Variants in ADAMTS3 observed in about 807,000 individuals in gnomAD.
The protein encoded by ADAMTS3 is ADAM metallopeptidase with thrombospondin type 1 motif 3.
In ADAMTS3, 73 loss-of-function variants were observed where a neutral mutation model predicts 129.0. The ratio of observed to expected loss-of-function variants is 0.57; its 90% CI spans 0.47 to 0.69. ADAMTS3 has a LOEUF of 0.69. Among genes scored for constraint, ADAMTS3 ranks in the 30% least tolerant of loss-of-function variants. The probability of loss-of-function intolerance (pLI) is 0.00; values close to 1 mark genes in which losing one functional copy is unlikely to be tolerated. For synonymous variants in ADAMTS3, 477 were observed against 510.8 expected (o/e 0.93, Z 0.89); for missense variants, 1,457 against 1,514.5 (o/e 0.96, Z 0.63).
chr4:72,475,845 C>T (rs993745902), intron 3 of ADAMTS3, among the ~76,000 whole-genome samples: 10 of 151,746 alleles, frequency 6.6e-5, no homozygotes, highest in African/African-American at 2.4e-5. Flanking sequence ...CAGGAATGTC[C>T]CCACTTAGAA....
At chr4:72,399,396 G>A (rs750374196) in intron 4 of ADAMTS3, among the ~76,000 whole-genome samples, 12 of 152,096 alleles carry the variant, frequency 7.9e-5, no homozygotes, top group Middle Eastern at 3.4e-3. Flanking sequence ...TTATGCCACC[G>A]CACTCCAGCC....
At chr4:72,380,363 G>A (rs1721255056) in intron 4 of ADAMTS3, among the ~76,000 whole-genome samples, 1 of 152,110 alleles carries the variant, frequency 6.6e-6, no homozygotes, top group African/African-American at 2.4e-5. Flanking sequence ...AAGGATTCAA[G>A]GGTGATGATT....
chr4:72,510,007 A>G (rs1465038688), intron 3 of ADAMTS3, among the ~76,000 whole-genome samples: 1 of 152,098 alleles, frequency 6.6e-6, no homozygotes. Flanking sequence ...GATGAAGAAT[A>G]AAAACCATAT....
chr4:72,364,609 G>A (rs1325093634), intron 4 of ADAMTS3, among the ~76,000 whole-genome samples: 3 of 145,016 alleles, frequency 2.1e-5, no homozygotes, highest in Admixed American at 6.9e-5. Flanking sequence ...GCAAGACTCC[G>A]TTTAAAAAAA....
Position 72,315,181 on chromosome 4 carries a change from CA to C in ADAMTS3, c.1599+676del, listed in dbSNP as rs138731846. 4.6e-5 allele frequency among the ~76,000 whole-genome samples: 7 copies of C among 152,334 alleles called. No homozygotes were observed. In the East Asian group the frequency reaches 9.6e-4, roughly 21 times the overall value. On this transcript the variant is annotated intron_variant, in intron 11 of 21. Coordinates refer to ENST00000286657, the MANE Select transcript of ADAMTS3 (RefSeq NM_014243.3). Reference sequence around the variant, plus strand: ...CAGCAAGTCAATCAGATCCCACTACCAGGGGGCAGATAGTCTGCTGAGTTGC... The same window carrying C: ...CAGCAAGTCAATCAGATCCCACTACCGGGGGCAGATAGTCTGCTGAGTTGC...
At position 72,543,013 on chromosome 4, in the gene ADAMTS3, C is replaced by T. The variant is rs549789676; in HGVS notation, c.504+5465G>A. On this transcript the variant is annotated intron_variant, in intron 3 of 21. Coordinates refer to ENST00000286657, the MANE Select transcript of ADAMTS3 (RefSeq NM_014243.3). ...GAGAAAGCATATCATCATTAAAATA[C>T]TTTCTCAATTTCAAAATAGGATTTG... Among the ~76,000 whole-genome samples the T allele has an allele frequency of 8.5e-5, 13 of 152,262 alleles. No homozygotes were observed. In the South Asian group the frequency reaches 2.5e-3, roughly 29 times the overall value.
chr4:72,476,849 C>T (rs1401702514), intron 3 of ADAMTS3, among the ~76,000 whole-genome samples: 1 of 152,026 alleles, frequency 6.6e-6, no homozygotes, highest in Non-Finnish European at 1.5e-5. Context: ...GGAAGCAAGG[C>T]TAGTTCAACT....
chr4:72,448,081 C>T (rs1278056221), intron 3 of ADAMTS3, among the ~76,000 whole-genome samples: 2 of 151,644 alleles, frequency 1.3e-5, no homozygotes, highest in African/African-American at 4.8e-5. Flanking sequence ...TCCTTCCAAA[C>T]GAAGCTAACT....
chr4:72,488,480 A>C (rs1719648020), intron 3 of ADAMTS3, among the ~76,000 whole-genome samples: 1 of 151,874 alleles, frequency 6.6e-6, no homozygotes, highest in Non-Finnish European at 1.5e-5. Flanking sequence ...CAGTTTTTGA[A>C]ATGTTTTGGT....
intron 3 of ADAMTS3, among the ~76,000 whole-genome samples, chr4:72,534,440 T>C (rs1336831736): frequency 2.0e-5 from 3 of 152,086 alleles, no homozygotes; most frequent in African/African-American, 7.2e-5. Context: ...GTGGAAGCAA[T>C]AATGAAGATC....
At chr4:72,531,269 G>GTT (rs1258872336) in intron 3 of ADAMTS3, among the ~76,000 whole-genome samples, 1 of 152,114 alleles carries the variant, frequency 6.6e-6, no homozygotes, top group Admixed American at 6.6e-5. Flanking sequence ...AAGAATCTAG[G>GTT]TTTTTGGCCT....
chr4:72,538,077 A>G (rs1721226265), intron 3 of ADAMTS3, among the ~76,000 whole-genome samples: 1 of 152,194 alleles, frequency 6.6e-6, no homozygotes, highest in South Asian at 2.1e-4. Context: ...AGGACCACGG[A>G]AATACCAAGT....
At chr4:72,497,744 T>C (rs571483094) in intron 3 of ADAMTS3, among the ~76,000 whole-genome samples, 429 of 15,006 alleles carry the variant, frequency 0.029, 4 homozygotes, top group African/African-American at 0.06. Context: ...TTAATGATTA[T>C]CATCAGAAAA....
At chr4:72,312,005 G>C in intron 13 of ADAMTS3, 1 of 330,746 alleles carries the variant, frequency 3.0e-6, no homozygotes, top group Non-Finnish European at 5.6e-6. Context: ...GAGGGATTTC[G>C]GTTGAATCAG....
At chr4:72,534,057 G>A (rs939684430) in intron 3 of ADAMTS3, among the ~76,000 whole-genome samples, 1 of 152,132 alleles carries the variant, frequency 6.6e-6, no homozygotes, top group African/African-American at 2.4e-5. Context: ...GCTGGGTGCA[G>A]GGGCTCACGC....
intron 2 of ADAMTS3, among the ~76,000 whole-genome samples, chr4:72,558,069 T>C (rs1341468134): frequency 6.6e-6 from 1 of 151,832 alleles, no homozygotes; most frequent in East Asian, 1.9e-4. Context: ...TTTGAAGCTA[T>C]AAAAATTAAC....
rs375522850 is a variant in ADAMTS3 at position 72,295,695 on chromosome 4, A to G, written c.2682T>C (p.Pro894=). Residue 894 remains proline, a synonymous_variant, in exon 19 of 22, where the codon CCT becomes CCC. Coordinates refer to ENST00000286657, the MANE Select transcript of ADAMTS3 (RefSeq NM_014243.3). ...CTTGAATATTGCACATTCGTCTAAT[A>G]GGTTTCGGCTTTTTGTTGGCCTCAC... is the stretch of plus-strand genomic sequence containing the variant. ...SFCEANKKPK[P]IRRMCNIQEC... 1.2e-6 allele frequency: 2 copies of G among 1,612,922 alleles called. No individual in the cohort carries two copies. The highest frequency in any genetic ancestry group is 1.7e-5 in the Admixed American group (1 of 59,952).
At chr4:72,340,480 T>C (rs1329899667) in intron 4 of ADAMTS3, among the ~76,000 whole-genome samples, 1 of 151,958 alleles carries the variant, frequency 6.6e-6, no homozygotes, top group African/African-American at 2.4e-5. Context: ...TGGCCATCAT[T>C]TGGATGGCAA....
chr4:72,292,631 A>T (rs1167936622), intron 19 of ADAMTS3, among the ~76,000 whole-genome samples: 1 of 152,234 alleles, frequency 6.6e-6, no homozygotes, highest in African/African-American at 2.4e-5. Context: ...TCCAGTACAC[A>T]TGGTTACCAA....
Sources: allele counts gnomAD v4.1 joint callset (sites outside exome capture counted in the v4.1 genomes callset), GRCh38; gene constraint gnomAD v4.1.1; transcripts MANE v1.5; gene names NCBI Gene and HGNC (gene_info 2026-07-23, HGNC 2026-07-21).